Variants in COG5 observed in about 807,000 individuals in gnomAD.
The protein encoded by COG5 is component of oligomeric golgi complex 5.
COG5 carries 86 observed loss-of-function variants against 110.4 expected under a neutral mutation model. The ratio of observed to expected loss-of-function variants is 0.78; its 90% CI spans 0.65 to 0.93. The LOEUF is 0.93. Among genes scored for constraint, COG5 ranks in the 40% least tolerant of loss-of-function variants. The probability of loss-of-function intolerance (pLI) is 0.00; values close to 1 mark genes in which losing one functional copy is unlikely to be tolerated. For synonymous variants in COG5, 360 were observed against 334.6 expected, an observed-to-expected ratio of 1.08 and a Z score of -0.83; for missense variants, 1,077 against 987.0, an observed-to-expected ratio of 1.09 and a Z score of -1.22.
chr7:107,413,240 C>T (rs1310107729), intron 6 of COG5, among the ~76,000 whole-genome samples: 1 of 151,918 alleles, frequency 6.6e-6, no homozygotes, highest in African/African-American at 2.4e-5. Context: ...GTCTCAAACT[C>T]CTGGCCTCAA....
intron 10 of COG5, 138 bp downstream of exon 10, chr7:107,361,895 T>C (rs1562989201): frequency 4.6e-6 from 3 of 654,504 alleles, no homozygotes; most frequent in Non-Finnish European, 5.5e-6. Flanking sequence ...AACATTATTA[T>C]AGTTGTCAAG....
chr7:107,355,688 A>G (rs1812566411), intron 10 of COG5, among the ~76,000 whole-genome samples: 1 of 152,256 alleles, frequency 6.6e-6, no homozygotes, highest in Admixed American at 6.5e-5. Flanking sequence ...AACTTACTGT[A>G]TAATTCCAAT....
chr7:107,264,430 T>C (rs879941758), intron 14 of COG5, among the ~76,000 whole-genome samples: 6 of 152,126 alleles, frequency 3.9e-5, no homozygotes, highest in Admixed American at 6.6e-5. Context: ...CGGTGGCTCA[T>C]ACCTGTAATC....
intron 6 of COG5, among the ~76,000 whole-genome samples, chr7:107,431,084 A>G (rs990226173): frequency 9.9e-5 from 15 of 152,230 alleles, no homozygotes; most frequent in African/African-American, 3.1e-4. Flanking sequence ...AGCTCTGCTG[A>G]CATTTTGATT....
At chr7:107,345,481 G>A (rs988111048) in intron 10 of COG5, among the ~76,000 whole-genome samples, 1 of 152,094 alleles carries the variant, frequency 6.6e-6, no homozygotes, top group Non-Finnish European at 1.5e-5. Context: ...TGCCTATACT[G>A]TATTATTCAA....
chr7:107,388,926 C>A (rs1790417296), intron 7 of COG5, among the ~76,000 whole-genome samples: 1 of 152,162 alleles, frequency 6.6e-6, no homozygotes, highest in Non-Finnish European at 1.5e-5. Flanking sequence ...CAAATGTCAC[C>A]TGATGCTGAA....
At chr7:107,541,331 T>C (rs1012834610) in intron 5 of COG5, among the ~76,000 whole-genome samples, 6 of 149,196 alleles carry the variant, frequency 4.0e-5, no homozygotes, top group Non-Finnish European at 8.9e-5. Flanking sequence ...ACCCGGTCTC[T>C]ACAAAAAATA....
chr7:107,316,586 G>A (rs777042110), intron 11 of COG5, among the ~76,000 whole-genome samples: 3 of 151,408 alleles, frequency 2.0e-5, no homozygotes, highest in Non-Finnish European at 2.9e-5. Flanking sequence ...GGCCAGGGCG[G>A]GCGGATCACG....
chr7:107,273,041 C>T (rs150481261), intron 14 of COG5, among the ~76,000 whole-genome samples: 40 of 152,240 alleles, frequency 2.6e-4, no homozygotes, highest in Non-Finnish European at 4.4e-4. Flanking sequence ...TACGTGTGTT[C>T]GGGGAGGGGT....
chr7:107,478,569 C>G (rs778464318), intron 6 of COG5, among the ~76,000 whole-genome samples: 1 of 151,670 alleles, frequency 6.6e-6, no homozygotes, highest in Non-Finnish European at 1.5e-5. Context: ...TATAATTGTA[C>G]TACTTTATTA....
chr7:107,500,150 G>A (rs1039968138), intron 6 of COG5, among the ~76,000 whole-genome samples: 13 of 152,144 alleles, frequency 8.5e-5, no homozygotes, highest in Admixed American at 5.2e-4. Context: ...ATAGATCCAC[G>A]TGCCATGGAA....
At chr7:107,222,725 T>C (rs75313693) in intron 19 of COG5, among the ~76,000 whole-genome samples, 23,750 of 152,058 alleles carry the variant, frequency 0.16, 2,273 homozygotes, top group Non-Finnish European at 0.22. Flanking sequence ...TAAATAACCA[T>C]CTAAAGTGCT....
At position 107,563,545 on chromosome 7, in the gene COG5, G is replaced by C. The variant is rs1259380834; in HGVS notation, c.94+258C>G. The C allele has an allele frequency of 6.8e-5, 5 of 73,448 alleles. No individual in the cohort carries two copies. The Admixed American group carries it at 1.0e-3, about 15-fold the overall frequency. The allele number at this position is 73,448 out of a possible 1,614,324, so 4.5% of individuals were successfully genotyped here. ...GAAACTTCAGGGAAGCTGGAGGCATGGGGGGGGGGGGGGTCGAGTTGAAAT... is the reference window on the plus strand; with the variant it reads ...GAAACTTCAGGGAAGCTGGAGGCATCGGGGGGGGGGGGGTCGAGTTGAAAT... On this transcript the variant is annotated intron_variant, in intron 1 of 21. Coordinates refer to ENST00000297135, the MANE Select transcript of COG5 (RefSeq NM_006348.5).
At chr7:107,352,022 C>A (rs368942448) in intron 10 of COG5, among the ~76,000 whole-genome samples, 2 of 130,312 alleles carry the variant, frequency 1.5e-5, no homozygotes, top group African/African-American at 2.6e-5. Flanking sequence ...ATGTTTATTG[C>A]GGCACTATTC....
intron 10 of COG5, among the ~76,000 whole-genome samples, chr7:107,335,324 A>G (rs564102639): frequency 3.3e-4 from 51 of 152,286 alleles, no homozygotes; most frequent in African/African-American, 1.2e-3. Flanking sequence ...CGGGAAGTGG[A>G]GGTTGCGGTG....
intron 12 of COG5, among the ~76,000 whole-genome samples, chr7:107,294,778 C>T (rs375550785): frequency 2.2e-5 from 3 of 137,174 alleles, no homozygotes; most frequent in Non-Finnish European, 3.1e-5. Flanking sequence ...TGCAGTGGCG[C>T]GATCTCAGCT....
At chr7:107,427,756 C>A (rs954020564) in intron 6 of COG5, among the ~76,000 whole-genome samples, 8 of 151,996 alleles carry the variant, frequency 5.3e-5, no homozygotes, top group Non-Finnish European at 1.2e-4. Context: ...CCCAGCCCAC[C>A]CATGTTACAG....
At chr7:107,295,062 C>CATATATAT (rs1806586080) in intron 12 of COG5, among the ~76,000 whole-genome samples, 1 of 56,206 alleles carries the variant, frequency 1.8e-5, no homozygotes, top group Non-Finnish European at 2.8e-5. Flanking sequence ...CACACACACA[C>CATATATAT]ACACATATAT....
chr7:107,482,238 G>A (rs1326030016), intron 6 of COG5, among the ~76,000 whole-genome samples: 2 of 151,652 alleles, frequency 1.3e-5, no homozygotes, highest in Non-Finnish European at 2.9e-5. Context: ...AACTCTTGAG[G>A]CTCAAGCGAT....
Sources: allele counts gnomAD v4.1 joint callset (sites outside exome capture counted in the v4.1 genomes callset), GRCh38; gene constraint gnomAD v4.1.1; transcripts MANE v1.5; gene names NCBI Gene and HGNC (gene_info 2026-07-23, HGNC 2026-07-21).